Variants in FGD4 observed in about 807,000 individuals in gnomAD.
FGD4 encodes FYVE, RhoGEF and PH domain containing 4.
Under a neutral mutation model 102.0 loss-of-function variants are expected in FGD4, and 42 were observed. That is an observed-to-expected ratio of 0.41 (90% CI 0.32 to 0.53). FGD4 has a LOEUF of 0.53. Ranked by LOEUF, FGD4 falls within the 20% of genes least tolerant of loss-of-function variation. The pLI, the probability that FGD4 is intolerant of heterozygous loss-of-function variation, is 0.21. For synonymous variants in FGD4, 380 were observed against 375.7 expected, an observed-to-expected ratio of 1.01 and a Z score of -0.13; for missense variants, 902 against 1,078.2, an observed-to-expected ratio of 0.84 and a Z score of 2.29.
chr12:32,571,704 A>C (rs1945681824), intron 2 of FGD4, among the ~76,000 whole-genome samples: 1 of 152,116 alleles, frequency 6.6e-6, no homozygotes, highest in Non-Finnish European at 1.5e-5. Flanking sequence ...TAAAAAGTTG[A>C]TGACTGAGGT....
At chr12:32,557,389 T>G (rs909161364) in intron 1 of FGD4, among the ~76,000 whole-genome samples, 2 of 152,240 alleles carry the variant, frequency 1.3e-5, no homozygotes, top group Admixed American at 1.3e-4. Flanking sequence ...TCTATACATT[T>G]GTCTATAACT....
intron 5 of FGD4, chr12:32,600,592 C>CT (rs1181093585): frequency 0.018 from 3,587 of 200,602 alleles, no homozygotes; most frequent in Non-Finnish European, 0.024. Flanking sequence ...TTCTTTCTTT[C>CT]TTTTTTTTTT....
chr12:32,502,408 C>A, intron 1 of FGD4: 1 of 912,258 alleles, frequency 1.1e-6, no homozygotes. Flanking sequence ...CCATGTGGTC[C>A]AAGGAAAGTG....
chr12:32,508,164 T>G (rs1323761453), intron 1 of FGD4, among the ~76,000 whole-genome samples: 2 of 152,174 alleles, frequency 1.3e-5, no homozygotes, highest in African/African-American at 4.8e-5. Flanking sequence ...GGAATTCTGA[T>G]CTGAGGATGC....
At chr12:32,527,937 A>C (rs1941422360) in intron 1 of FGD4, among the ~76,000 whole-genome samples, 1 of 152,054 alleles carries the variant, frequency 6.6e-6, no homozygotes, top group Non-Finnish European at 1.5e-5. Flanking sequence ...AGATGACATT[A>C]CAGATAAAAT....
chr12:32,459,559 G>A (rs1943044097), intron 1 of FGD4, among the ~76,000 whole-genome samples: 1 of 151,840 alleles, frequency 6.6e-6, no homozygotes, highest in African/African-American at 2.4e-5. Flanking sequence ...TCTGCATTTG[G>A]ATTTATCTCC....
At chr12:32,410,030 A>G (rs150889831) in intron 1 of FGD4, among the ~76,000 whole-genome samples, 1 of 149,784 alleles carries the variant, frequency 6.7e-6, no homozygotes, top group East Asian at 2.0e-4. Context: ...AAAAAAGTCA[A>G]GAAATTTGCC....
At chr12:32,639,564 A>G (rs887541753) in intron 16 of FGD4, among the ~76,000 whole-genome samples, 4 of 152,184 alleles carry the variant, frequency 2.6e-5, no homozygotes, top group African/African-American at 9.7e-5. Context: ...TTGCATTATC[A>G]TTCAGTAGCA....
At chr12:32,498,199 AACT>A (rs1937940230) in intron 1 of FGD4, among the ~76,000 whole-genome samples, 1 of 152,244 alleles carries the variant, frequency 6.6e-6, no homozygotes, top group Admixed American at 6.5e-5. Flanking sequence ...TATCACTGCC[AACT>A]CACAGGGGTG....
At chr12:32,475,126 G>A (rs952382304) in intron 1 of FGD4, among the ~76,000 whole-genome samples, 1 of 152,164 alleles carries the variant, frequency 6.6e-6, no homozygotes, top group Non-Finnish European at 1.5e-5. Flanking sequence ...CTACCTGGGT[G>A]CCTCTCTTTG....
Position 32,624,751 on chromosome 12 carries a change from G to A in FGD4, c.1954-225G>A, listed in dbSNP as rs780207746. On this transcript the variant is annotated intron_variant, in intron 12 of 16. Transcript: ENST00000534526. ...GGTCTCCCAAAGTGCTGGGATTACA[G>A]GTGTGAGCCACCACGCCCAGCTTAT... 1.2e-4 allele frequency: 73 copies of A among 633,232 alleles called. No individual in the cohort carries two copies. In the East Asian group the frequency reaches 1.7e-3, roughly 15 times the overall value. The allele number at this position is 633,232 out of a possible 1,614,324, so 39.2% of individuals were successfully genotyped here.
chr12:32,540,620 T>C (rs1205947990), intron 1 of FGD4, among the ~76,000 whole-genome samples: 4 of 150,882 alleles, frequency 2.7e-5, no homozygotes, highest in African/African-American at 7.3e-5. Flanking sequence ...AGCTGGAGTG[T>C]GATGGTGTGA....
intron 1 of FGD4, among the ~76,000 whole-genome samples, chr12:32,520,158 ACGATGAATCTCTCTTC>A (rs1940349580): frequency 6.6e-6 from 1 of 152,172 alleles, no homozygotes; most frequent in Non-Finnish European, 1.5e-5. Context: ...TCCCTTTAGG[ACGATGAATCTCTCTTC>A]ATGGCAGTCA....
intron 5 of FGD4, chr12:32,600,593 T>TTTC (rs200020731): frequency 2.5e-3 from 466 of 186,884 alleles, no homozygotes; most frequent in East Asian, 0.025. Flanking sequence ...TCTTTCTTTC[T>TTTC]TTTTTTTTTT....
At chr12:32,529,075 G>A (rs767775438) in intron 1 of FGD4, among the ~76,000 whole-genome samples, 1 of 152,180 alleles carries the variant, frequency 6.6e-6, no homozygotes, top group Non-Finnish European at 1.5e-5. Flanking sequence ...GAATTTCTAT[G>A]CCTCATTTTA....
intron 1 of FGD4, among the ~76,000 whole-genome samples, chr12:32,474,711 A>T (rs1224792613): frequency 6.6e-6 from 1 of 152,074 alleles, no homozygotes; most frequent in East Asian, 1.9e-4. Flanking sequence ...GGAGTTTGAG[A>T]ATAGCCTGGA....
At chr12:32,518,194 G>A (rs999353433) in intron 1 of FGD4, among the ~76,000 whole-genome samples, 7 of 152,178 alleles carry the variant, frequency 4.6e-5, no homozygotes, top group Non-Finnish European at 1.0e-4. Context: ...ATGGAGCAGT[G>A]TTCTATGAAG....
At chr12:32,590,365 TTCTC>T (rs548103001) in intron 4 of FGD4, among the ~76,000 whole-genome samples, 8 of 149,876 alleles carry the variant, frequency 5.3e-5, no homozygotes, top group Non-Finnish European at 7.4e-5. Flanking sequence ...TAAGTGGGTG[TTCTC>T]TCTCTCTCTC....
intron 1 of FGD4, among the ~76,000 whole-genome samples, chr12:32,427,324 C>T (rs1310758237): frequency 6.6e-6 from 1 of 152,040 alleles, no homozygotes; most frequent in Non-Finnish European, 1.5e-5. Flanking sequence ...CGTTATTTAC[C>T]CAGTAGTCAT....
Sources: allele counts gnomAD v4.1 joint callset (sites outside exome capture counted in the v4.1 genomes callset), GRCh38; gene constraint gnomAD v4.1.1; transcripts MANE v1.5; gene names NCBI Gene and HGNC (gene_info 2026-07-23, HGNC 2026-07-21).